DIP2C: variants seen among roughly 807,000 people sequenced by gnomAD.
DIP2C encodes disco-interacting protein 2 homolog C.
In DIP2C, 33 loss-of-function variants were observed where a neutral mutation model predicts 192.4. The ratio of observed to expected loss-of-function variants is 0.17; its 90% CI spans 0.13 to 0.23. DIP2C has a LOEUF of 0.23. Ranked by LOEUF, DIP2C falls within the 10% of genes least tolerant of loss-of-function variation. DIP2C has a pLI of 1.00. For synonymous variants in DIP2C, 979 were observed against 864.1 expected, an observed-to-expected ratio of 1.13 and a Z score of -2.33; for missense variants, 1,537 against 2,110.1, an observed-to-expected ratio of 0.73 and a Z score of 5.32.
chr10:612,430 G>T (rs117777545), intron 1 of DIP2C, among the ~76,000 whole-genome samples: 1 of 152,192 alleles, frequency 6.6e-6, no homozygotes, highest in East Asian at 1.9e-4. Context: ...TATGAAGATG[G>T]AAAGAAGTTC....
chr10:576,269 A>G (rs1347774940), intron 1 of DIP2C, among the ~76,000 whole-genome samples: 1 of 152,184 alleles, frequency 6.6e-6, no homozygotes, highest in East Asian at 1.9e-4. Flanking sequence ...CCCAAGCCAA[A>G]GCAACACTGC....
intron 1 of DIP2C, among the ~76,000 whole-genome samples, chr10:682,744 CA>C (rs78896185): frequency 0.036 from 5,115 of 141,386 alleles, 264 homozygotes; most frequent in African/African-American, 0.12. Flanking sequence ...GATAATTCAG[CA>C]AAAAAAAAAA....
At position 404,015 on chromosome 10, in the gene DIP2C, T is replaced by C. The variant is rs1445994797; in HGVS notation, c.1150-4796A>G. ...AGCACATGAATCCTATGATTTTACA[T>C]GTGTGGTAGCATTAGCATTACTCTT... On this transcript the variant is annotated intron_variant, in intron 9 of 36. Coordinates refer to ENST00000280886, the MANE Select transcript of DIP2C (RefSeq NM_014974.3). Among the ~76,000 whole-genome samples the C allele has an allele frequency of 1.9e-3, 253 of 135,146 alleles. 1 individual carries two copies. Among genetic ancestry groups the C allele is most frequent in the African/African-American group, 6.4e-3 (227 of 35,604 alleles). 88.7% of individuals were successfully genotyped at this position (135,146 alleles called of 152,430 possible).
chr10:579,931 C>T (rs1198636545), intron 1 of DIP2C, among the ~76,000 whole-genome samples: 2 of 151,550 alleles, frequency 1.3e-5, no homozygotes, highest in Non-Finnish European at 2.9e-5. Context: ...CATATAGGTA[C>T]ACTATAACAT....
chr10:328,050 G>C (rs1201430202), intron 30 of DIP2C, among the ~76,000 whole-genome samples: 1 of 152,178 alleles, frequency 6.6e-6, no homozygotes, highest in Non-Finnish European at 1.5e-5. Context: ...TGCTAAGGGG[G>C]CGGCCACCAA....
intron 2 of DIP2C, among the ~76,000 whole-genome samples, chr10:480,334 G>A (rs1843511187): frequency 6.8e-6 from 1 of 147,942 alleles, no homozygotes. Flanking sequence ...CATGCTCACT[G>A]GATGAGGGTC....
chr10:298,588 CCAAGCCCATGCCT>C (rs1243753233), intron 32 of DIP2C, among the ~76,000 whole-genome samples: 4 of 152,208 alleles, frequency 2.6e-5, no homozygotes, highest in Non-Finnish European at 1.5e-5. Context: ...CTCTGGGTGA[CCAAGCCCATGCCT>C]CAGGCCCATT....
In DIP2C at chr10:286,282, G is replaced by A; in HGVS notation, c.4110C>T (p.His1370=). Residue 1370 remains histidine, a synonymous_variant, in exon 34 of 37, where the codon CAC becomes CAT. Transcript: ENST00000280886. ...AGGACACTCAACTCACCTCTCCAAG[G>A]TGTGAGTCCCCCAGCGGTCCTTTTG... ...PETKGPLGDS[H]LGEIWVHSAH... 6.2e-7 allele frequency: 1 copy of A among 1,614,064 alleles called. No homozygotes were observed. The highest frequency in any genetic ancestry group is 8.5e-7 in the Non-Finnish European group (1 of 1,179,988).
intron 36 of DIP2C, among the ~76,000 whole-genome samples, chr10:280,525 A>C (rs746797036): frequency 1.6e-4 from 24 of 152,014 alleles, no homozygotes; most frequent in Admixed American, 7.2e-4. Flanking sequence ...GACTTAACTT[A>C]CGGCACTCCA....
intron 1 of DIP2C, among the ~76,000 whole-genome samples, chr10:598,513 G>A (rs1449086939): frequency 6.6e-6 from 1 of 152,082 alleles, no homozygotes. Context: ...GGGTAGGGGA[G>A]CATCATGGGG....
intron 1 of DIP2C, among the ~76,000 whole-genome samples, chr10:524,311 C>T (rs1846918687): frequency 6.6e-6 from 1 of 152,202 alleles, no homozygotes; most frequent in Non-Finnish European, 1.5e-5. Flanking sequence ...AGGCACACTT[C>T]ACAGGGTCCC....
chr10:368,831 G>A (rs1006233101), intron 18 of DIP2C, among the ~76,000 whole-genome samples: 4 of 152,348 alleles, frequency 2.6e-5, no homozygotes, highest in Admixed American at 1.3e-4. Context: ...GAAAAGAGAC[G>A]GGTTCCCTTT....
intron 2 of DIP2C, among the ~76,000 whole-genome samples, chr10:479,300 T>C (rs1418499533): frequency 6.7e-6 from 1 of 149,278 alleles, no homozygotes; most frequent in Non-Finnish European, 1.5e-5. Flanking sequence ...TCTAAGCACC[T>C]GCCCTAACCC....
intron 2 of DIP2C, among the ~76,000 whole-genome samples, chr10:474,443 C>T (rs1390631020): frequency 3.3e-5 from 5 of 152,336 alleles, no homozygotes; most frequent in South Asian, 2.1e-4. Context: ...TTCCTGCCCA[C>T]GATCAAACAC....
chr10:290,773 C>G (rs1377431665), intron 32 of DIP2C, among the ~76,000 whole-genome samples: 1 of 152,192 alleles, frequency 6.6e-6, no homozygotes, highest in Non-Finnish European at 1.5e-5. Context: ...AGGTGACCAG[C>G]CAAGGAGTGA....
At chr10:419,755 G>A (rs1158632590) in intron 5 of DIP2C, among the ~76,000 whole-genome samples, 4 of 152,136 alleles carry the variant, frequency 2.6e-5, no homozygotes, top group Non-Finnish European at 4.4e-5. Context: ...GAGACATCAA[G>A]AACTATTATT....
intron 3 of DIP2C, 44 bp downstream of exon 3, chr10:472,395 C>T (rs749562363): frequency 2.5e-6 from 4 of 1,571,974 alleles, no homozygotes; most frequent in Non-Finnish European, 3.5e-6. Flanking sequence ...CGTCCTGGCA[C>T]AGGTGGCAGA....
chr10:539,549 G>A lies in DIP2C; in HGVS notation c.86-53019C>T, dbSNP rs1278086552. On this transcript the variant is annotated intron_variant, in intron 1 of 36. Transcript: ENST00000280886. ...GCAGTCCTGCAACCCACCCCCATGGGCACTGTGGAATGGCTATAATAGAAA... is the reference window on the plus strand; with the variant it reads ...GCAGTCCTGCAACCCACCCCCATGGACACTGTGGAATGGCTATAATAGAAA... Among the ~76,000 whole-genome samples, 3 of 152,272 alleles carry A rather than the reference G, an allele frequency of 2.0e-5. No individual in the cohort carries two copies. The East Asian group carries it at 5.8e-4, about 29-fold the overall frequency.
intron 1 of DIP2C, chr10:630,553 T>C (rs1361826791): frequency 4.6e-5 from 7 of 152,222 alleles, no homozygotes; most frequent in Non-Finnish European, 1.0e-4. Flanking sequence ...TTAAAATTAG[T>C]TTTGTACTTA....
Sources: allele counts gnomAD v4.1 joint callset (sites outside exome capture counted in the v4.1 genomes callset), GRCh38; gene constraint gnomAD v4.1.1; transcripts MANE v1.5; gene names NCBI Gene and HGNC (gene_info 2026-07-23, HGNC 2026-07-21).